Variants in MAF observed in about 807,000 individuals in gnomAD.
MAF encodes MAF bZIP transcription factor.
In MAF, 10 loss-of-function variants were observed where a neutral mutation model predicts 22.0. The observed-to-expected ratio is 0.45, with a 90% CI of 0.28 to 0.77. The LOEUF (loss-of-function observed/expected upper bound fraction) is 0.77. MAF is among the 30% of genes least tolerant of loss of function. The probability of loss-of-function intolerance (pLI) is 0.12; values close to 1 mark genes in which losing one functional copy is unlikely to be tolerated. For missense variants in MAF, 544 were observed against 548.4 expected (o/e 0.99, Z 0.08); for synonymous variants, 337 against 255.8 (o/e 1.32, Z -3.03).
the MAF span, among the ~76,000 whole-genome samples, chr16:79,343,212 C>A: frequency 2.7e-5 from 4 of 150,330 alleles, no homozygotes; most frequent in Middle Eastern, 3.2e-3. Flanking sequence ...ATAGCAAATT[C>A]TGCCTGTAGG....
the MAF span, among the ~76,000 whole-genome samples, chr16:79,397,299 A>G: frequency 6.6e-6 from 1 of 152,182 alleles, no homozygotes; most frequent in African/African-American, 2.4e-5. Flanking sequence ...GGATCTCATC[A>G]ATGTGTGGAG....
the MAF span, among the ~76,000 whole-genome samples, chr16:79,478,164 A>G: frequency 6.6e-6 from 1 of 152,188 alleles, no homozygotes; most frequent in Non-Finnish European, 1.5e-5. Flanking sequence ...CTTTGTCAAT[A>G]TTTCCAAACT....
chr16:79,380,551 G>C, the MAF span, among the ~76,000 whole-genome samples: 2 of 152,162 alleles, frequency 1.3e-5, no homozygotes, highest in Admixed American at 6.5e-5. Flanking sequence ...ACTATATCTT[G>C]TCTTTGCATT....
the MAF span, among the ~76,000 whole-genome samples, chr16:79,316,778 G>A: frequency 6.6e-6 from 1 of 152,120 alleles, no homozygotes; most frequent in South Asian, 2.1e-4. Flanking sequence ...GACACCCATG[G>A]AAGGACCCAA....
chr16:79,485,727 G>A, the MAF span, among the ~76,000 whole-genome samples: 3 of 152,050 alleles, frequency 2.0e-5, no homozygotes, highest in African/African-American at 7.3e-5. Context: ...AAGATCTGTC[G>A]GGTTCCTCCT....
the MAF span, among the ~76,000 whole-genome samples, chr16:79,314,851 G>A: frequency 1.3e-5 from 2 of 152,160 alleles, no homozygotes; most frequent in African/African-American, 4.8e-5. Context: ...GCCTCCCTGA[G>A]CCTCCTCAGG....
At chr16:79,228,244 G>T in the MAF span, among the ~76,000 whole-genome samples, 2 of 152,014 alleles carry the variant, frequency 1.3e-5, 1 homozygote, top group East Asian at 3.8e-4. Flanking sequence ...CATGACTTGT[G>T]TAACAACTAT....
At chr16:79,473,149 G>A in the MAF span, among the ~76,000 whole-genome samples, 1 of 152,146 alleles carries the variant, frequency 6.6e-6, no homozygotes, top group Non-Finnish European at 1.5e-5. Context: ...CCCTGGCTCA[G>A]CGTAGGGATA....
the MAF span, among the ~76,000 whole-genome samples, chr16:79,458,693 G>GT: frequency 1.3e-5 from 2 of 152,170 alleles, no homozygotes; most frequent in African/African-American, 4.8e-5. Flanking sequence ...TAATAGGCAT[G>GT]TTTTTTGTTG....
At chr16:79,560,048 G>A in the MAF span, among the ~76,000 whole-genome samples, 2 of 152,114 alleles carry the variant, frequency 1.3e-5, no homozygotes, top group African/African-American at 4.8e-5. Context: ...GGGACTACAG[G>A]CATGGGCCAC....
chr16:79,579,556 C>G, the MAF span, among the ~76,000 whole-genome samples: 1 of 151,784 alleles, frequency 6.6e-6, no homozygotes, highest in African/African-American at 2.4e-5. Context: ...GCTTGCAATA[C>G]CAAAAGAAAA....
chr16:79,237,900 C>T, the MAF span, among the ~76,000 whole-genome samples: 2 of 152,124 alleles, frequency 1.3e-5, no homozygotes, highest in Non-Finnish European at 2.9e-5. Flanking sequence ...CAGATGCACC[C>T]TCCAGGTCCT....
At chr16:79,462,386 C>T in the MAF span, among the ~76,000 whole-genome samples, 1 of 152,254 alleles carries the variant, frequency 6.6e-6, no homozygotes, top group Admixed American at 6.5e-5. Context: ...GTCCAATCTG[C>T]CTGCAGACTC....
chr16:79,283,976 AAAAAAAAAAGAC>A, the MAF span, among the ~76,000 whole-genome samples: 1 of 82,876 alleles, frequency 1.2e-5, no homozygotes, highest in Admixed American at 1.4e-4. Context: ...TCAAAAAAAA[AAAAAAAAAAGAC>A]AAAGCCCCAT....
the MAF span, among the ~76,000 whole-genome samples, chr16:79,210,583 C>G: frequency 1.3e-5 from 2 of 152,168 alleles, no homozygotes; most frequent in Admixed American, 6.5e-5. Flanking sequence ...CTCTCATCAG[C>G]TGAAAATTAG....
chr16:79,532,733 C>T, the MAF span, among the ~76,000 whole-genome samples: 1 of 152,130 alleles, frequency 6.6e-6, no homozygotes, highest in Non-Finnish European at 1.5e-5. Context: ...AGTGCAGATA[C>T]ATGTGTGTTT....
At chr16:79,392,565 C>G in the MAF span, among the ~76,000 whole-genome samples, 45 of 152,046 alleles carry the variant, frequency 3.0e-4, no homozygotes, top group Admixed American at 3.3e-4. Flanking sequence ...GTGGAACCAG[C>G]TGTAATAGGC....
At chr16:79,491,311 C>G in the MAF span, among the ~76,000 whole-genome samples, 1 of 152,278 alleles carries the variant, frequency 6.6e-6, no homozygotes, top group East Asian at 1.9e-4. Flanking sequence ...TAGTAGCTGC[C>G]TCATGAAATT....
rs963241680 is a variant in MAF, at chr16:79,600,078, C to T, written c.-176G>A. ...CGAGCGCGCTCACACACACACCCCCCCGCCCTGCCCGCGCCCCCCGCGCCC... is the reference window on the plus strand; with the variant it reads ...CGAGCGCGCTCACACACACACCCCCTCGCCCTGCCCGCGCCCCCCGCGCCC... On this transcript the variant is annotated 5_prime_UTR_variant, in exon 1 of 2. Transcript: ENST00000326043. 2.8e-6 allele frequency: 2 copies of T among 725,406 alleles called. No individual in the cohort carries two copies. The highest frequency in any genetic ancestry group is 4.2e-6 in the Non-Finnish European group (2 of 472,444). 44.9% of individuals were successfully genotyped at this position (725,406 alleles called of 1,614,324 possible).
Sources: gnomAD v4.1 joint callset for allele counts (sites outside exome capture counted in the v4.1 genomes callset) on GRCh38, gnomAD v4.1.1 for gene constraint, MANE v1.5 for transcripts, NCBI Gene and HGNC (gene_info 2026-07-23, HGNC 2026-07-21) for gene names.